The following LRP1B variants were observed in gnomAD, a reference collection of about 807,000 sequenced individuals.
The protein encoded by LRP1B is LDL receptor related protein 1B, also known as low-density lipoprotein receptor-related protein 1B.
LRP1B carries 217 observed loss-of-function variants against 556.6 expected under a neutral mutation model. The ratio of observed to expected loss-of-function variants is 0.39; its 90% CI spans 0.35 to 0.44. The LOEUF (loss-of-function observed/expected upper bound fraction) is 0.44. Ranked by LOEUF, LRP1B falls within the 20% of genes least tolerant of loss-of-function variation. The pLI is 1.00. For missense variants in LRP1B, 5,053 were observed against 5,620.8 expected (o/e 0.90, Z 3.23); for synonymous variants, 2,047 against 1,865.8 (o/e 1.10, Z -2.50).
chr2:141,823,577 C>T (rs1445610401), intron 1 of LRP1B, among the ~76,000 whole-genome samples: 2 of 151,892 alleles, frequency 1.3e-5, no homozygotes, highest in Admixed American at 6.6e-5. Flanking sequence ...GATAGCATAC[C>T]GAACAAAAGG....
At chr2:141,247,085 T>C in intron 5 of LRP1B, 141 bp downstream of exon 5, 1 of 863,238 alleles carries the variant, frequency 1.2e-6, no homozygotes. Flanking sequence ...GATTCCTAAC[T>C]ATAGAGAAGT....
At chr2:141,685,626 C>A (rs1691266489) in intron 2 of LRP1B, among the ~76,000 whole-genome samples, 1 of 151,894 alleles carries the variant, frequency 6.6e-6, no homozygotes. Context: ...CCAGTGTAAT[C>A]ATAAACATTC....
Position 141,327,321 on chromosome 2 carries a change from T to C in LRP1B, c.344-72680A>G, listed in dbSNP as rs77315375. ...GGAGCCACTAATTGCAGTGAGGAAA[T>C]TGCAAGAACAATTTTAGTGTAATCG... On this transcript the variant is annotated intron_variant, in intron 3 of 90. Transcript: ENST00000389484. Among the ~76,000 whole-genome samples, 891 of 152,228 alleles carry C rather than the reference T, an allele frequency of 5.9e-3. 9 individuals carry two copies. The highest frequency in any genetic ancestry group is 0.02 in the African/African-American group (828 of 41,560).
chr2:141,941,796 A>G (rs575618755), intron 1 of LRP1B, among the ~76,000 whole-genome samples: 1 of 152,322 alleles, frequency 6.6e-6, no homozygotes, highest in East Asian at 1.9e-4. Context: ...AGTCCATGTC[A>G]AATATTCACT....
chr2:140,994,698 A>T (rs575357249), intron 15 of LRP1B, among the ~76,000 whole-genome samples: 27 of 152,142 alleles, frequency 1.8e-4, no homozygotes, highest in African/African-American at 6.5e-4. Flanking sequence ...CACTATGTAT[A>T]TTAAAACATT....
intron 19 of LRP1B, among the ~76,000 whole-genome samples, chr2:140,950,934 A>G (rs1430847893): frequency 6.6e-6 from 1 of 151,804 alleles, no homozygotes; most frequent in Non-Finnish European, 1.5e-5. Context: ...TTGATTTAAT[A>G]TCAACTGCTA....
At chr2:140,643,686 A>C (rs964902013) in intron 41 of LRP1B, among the ~76,000 whole-genome samples, 1 of 152,164 alleles carries the variant, frequency 6.6e-6, no homozygotes, top group Non-Finnish European at 1.5e-5. Flanking sequence ...GCAGCCTTGG[A>C]GTTTTATCCC....
chr2:141,586,907 A>G (rs1687158112), intron 2 of LRP1B, among the ~76,000 whole-genome samples: 1 of 149,306 alleles, frequency 6.7e-6, no homozygotes, highest in African/African-American at 2.4e-5. Flanking sequence ...GTGCCACTGC[A>G]CTCCAGCCTG....
At chr2:141,524,151 A>G (rs1469254445) in intron 2 of LRP1B, among the ~76,000 whole-genome samples, 2 of 152,080 alleles carry the variant, frequency 1.3e-5, no homozygotes, top group African/African-American at 4.8e-5. Flanking sequence ...TGAATCAAGT[A>G]TAATGTCTGT....
At chr2:141,391,524 G>C (rs1215082924) in intron 3 of LRP1B, among the ~76,000 whole-genome samples, 1 of 152,046 alleles carries the variant, frequency 6.6e-6, no homozygotes, top group African/African-American at 2.4e-5. Context: ...AATTGTGAAA[G>C]GAAAGGGTAA....
intron 2 of LRP1B, among the ~76,000 whole-genome samples, chr2:141,708,462 G>A (rs1692233561): frequency 6.6e-6 from 1 of 151,950 alleles, no homozygotes; most frequent in Admixed American, 6.6e-5. Flanking sequence ...CACCTATGAT[G>A]GTGCAAGCAC....
chr2:141,398,157 A>G (rs147211232), intron 3 of LRP1B, among the ~76,000 whole-genome samples: 52 of 152,296 alleles, frequency 3.4e-4, no homozygotes, highest in Admixed American at 9.2e-4. Context: ...GCATTTACTT[A>G]AAAGTATAAT....
At chr2:140,328,888 AT>A (rs1244626683) in intron 79 of LRP1B, among the ~76,000 whole-genome samples, 1 of 152,038 alleles carries the variant, frequency 6.6e-6, no homozygotes, top group African/African-American at 2.4e-5. Context: ...TAATCCTAAC[AT>A]TCATATCCAC....
At chr2:141,358,890 T>G (rs952288895) in intron 3 of LRP1B, among the ~76,000 whole-genome samples, 4 of 152,158 alleles carry the variant, frequency 2.6e-5, no homozygotes, top group Non-Finnish European at 4.4e-5. Context: ...TTCAAGTATT[T>G]GTAAAACACT....
At chr2:140,941,978 A>G (rs1290438868) in intron 20 of LRP1B, among the ~76,000 whole-genome samples, 1 of 152,178 alleles carries the variant, frequency 6.6e-6, no homozygotes, top group Non-Finnish European at 1.5e-5. Context: ...CATAGAATTC[A>G]GAAACTGGAT....
chr2:140,854,180 GGA>G (rs1692545993), intron 27 of LRP1B, among the ~76,000 whole-genome samples: 1 of 151,920 alleles, frequency 6.6e-6, no homozygotes, highest in East Asian at 1.9e-4. Flanking sequence ...CTATTTCTCA[GGA>G]AAATTAAAAG....
intron 35 of LRP1B, among the ~76,000 whole-genome samples, chr2:140,724,220 C>G (rs1574284297): frequency 6.6e-6 from 1 of 152,124 alleles, no homozygotes; most frequent in Non-Finnish European, 1.5e-5. Context: ...CACAGTGGCT[C>G]AAGCCTGCAA....
At chr2:141,530,587 A>T (rs1042144364) in intron 2 of LRP1B, among the ~76,000 whole-genome samples, 24 of 152,228 alleles carry the variant, frequency 1.6e-4, no homozygotes, top group African/African-American at 5.8e-4. Flanking sequence ...AACAAGCAGA[A>T]CAGCCAATAA....
chr2:141,184,400 A>C (rs1681146207), intron 7 of LRP1B, among the ~76,000 whole-genome samples: 2 of 151,912 alleles, frequency 1.3e-5, no homozygotes, highest in Non-Finnish European at 2.9e-5. Flanking sequence ...CTTTCTCTGA[A>C]GTAGATCATA....
Sources: allele counts gnomAD v4.1 joint callset (sites outside exome capture counted in the v4.1 genomes callset), GRCh38; gene constraint gnomAD v4.1.1; transcripts MANE v1.5; gene names NCBI Gene and HGNC (gene_info 2026-07-23, HGNC 2026-07-21).